THSD4: variants seen among roughly 807,000 people sequenced by gnomAD.
THSD4 encodes the protein thrombospondin type-1 domain-containing protein 4.
THSD4 carries 69 observed loss-of-function variants against 119.0 expected under a neutral mutation model. That is an observed-to-expected ratio of 0.58 (90% CI 0.48 to 0.71). The LOEUF (loss-of-function observed/expected upper bound fraction) is 0.71. Ranked by LOEUF, THSD4 falls within the 30% of genes least tolerant of loss-of-function variation. The pLI is 0.00. For missense variants in THSD4, 1,393 were observed against 1,391.1 expected, an observed-to-expected ratio of 1.00 and a Z score of -0.02; for synonymous variants, 524 against 540.4, an observed-to-expected ratio of 0.97 and a Z score of 0.42.
intron 7 of THSD4, among the ~76,000 whole-genome samples, chr15:71,507,529 C>T (rs1224831791): frequency 6.6e-6 from 1 of 152,172 alleles, no homozygotes. Context: ...GGTATGTTCT[C>T]AGCTGGAGAC....
At chr15:71,247,502 C>G (rs1251085654) in intron 5 of THSD4, among the ~76,000 whole-genome samples, 4 of 152,158 alleles carry the variant, frequency 2.6e-5, no homozygotes, top group African/African-American at 7.2e-5. Flanking sequence ...CCACATAGGT[C>G]CTTTCAAATC....
intron 7 of THSD4, among the ~76,000 whole-genome samples, chr15:71,614,311 T>C (rs2050285383): frequency 6.6e-6 from 1 of 152,218 alleles, no homozygotes; most frequent in African/African-American, 2.4e-5. Context: ...ACACTAGAAG[T>C]TGCCTAATTA....
chr15:71,111,536 G>C (rs2040305154), upstream of THSD4: 2 of 782,720 alleles, frequency 2.6e-6, no homozygotes, highest in South Asian at 1.8e-5. Flanking sequence ...AACTCTCAAA[G>C]TGTTTTGTTT....
At chr15:71,680,273 G>C (rs1030005077) in intron 8 of THSD4, among the ~76,000 whole-genome samples, 2 of 152,176 alleles carry the variant, frequency 1.3e-5, no homozygotes, top group Non-Finnish European at 2.9e-5. Context: ...GAACACCAAG[G>C]TTCTCTAAGC....
intron 6 of THSD4, among the ~76,000 whole-genome samples, chr15:71,340,603 CTTTTT>C (rs780712768): frequency 8.7e-6 from 1 of 115,226 alleles, no homozygotes; most frequent in Non-Finnish European, 1.8e-5. Flanking sequence ...CATCCAGAGA[CTTTTT>C]TTTTTTTTTT....
chr15:71,644,468 C>T (rs1333775568), intron 7 of THSD4, among the ~76,000 whole-genome samples: 1 of 152,224 alleles, frequency 6.6e-6, no homozygotes, highest in East Asian at 1.9e-4. Flanking sequence ...TCTTCACCAG[C>T]AAGAATTTGT....
At chr15:71,732,329 A>T (rs1039053809) in intron 10 of THSD4, 4 of 152,170 alleles carry the variant, frequency 2.6e-5, no homozygotes, top group Non-Finnish European at 5.9e-5. Context: ...TAATGAGTTC[A>T]CACCTAACAA....
Position 71,411,678 on chromosome 15 carries a change from C to T in THSD4, c.1016-9C>T, listed in dbSNP as rs774889679. 1.2e-6 allele frequency: 2 copies of T among 1,612,588 alleles called. No homozygotes were observed. Among genetic ancestry groups the T allele is most frequent in the Non-Finnish European group, 1.7e-6 (2 of 1,179,178 alleles). On this transcript the variant is annotated splice_polypyrimidine_tract_variant and intron_variant, in intron 6 of 17. Transcript: ENST00000261862. ...CTTTATTTTATTTTATTTCATTTTA[C>T]TTTGGTAGTAAAAGGCAATCGCAAA...
At chr15:71,256,551 A>C in intron 5 of THSD4, 62 bp from the exon 6 acceptor site, 1 of 1,319,146 alleles carries the variant, frequency 7.6e-7, no homozygotes, top group Non-Finnish European at 1.1e-6. Context: ...GGGTTTGGAA[A>C]TGTATCCTGG....
chr15:71,442,579 A>AAAAAAAAATAT lies in THSD4; in HGVS notation c.1152+30757_1152+30758insAAAAAAATATA, dbSNP rs1195413080. Among the ~76,000 whole-genome samples, 14 of 39,860 alleles carry AAAAAAAAATAT rather than the reference A, an allele frequency of 3.5e-4. 1 individual carries two copies. Among genetic ancestry groups the AAAAAAAAATAT allele is most frequent in the South Asian group, 1.3e-3 (1 of 774 alleles). 26.1% of individuals were successfully genotyped at this position (39,860 alleles called of 152,430 possible). On this transcript the variant is annotated intron_variant, in intron 7 of 17. Transcript: ENST00000261862. ...GCAAAACTCCATCTCAAAAAAAAAAAATATATATATATATATATATATGTG... is the reference window on the plus strand; with the variant it reads ...GCAAAACTCCATCTCAAAAAAAAAAAAAAAAAAATATATATATATATATATATATATATGTG...
intron 3 of THSD4, among the ~76,000 whole-genome samples, chr15:71,211,981 T>C (rs1412948006): frequency 1.3e-5 from 2 of 152,180 alleles, no homozygotes; most frequent in African/African-American, 2.4e-5. Context: ...AGTTGTCCCA[T>C]CTTGCATCTT....
At chr15:71,367,435 C>T (rs554743626) in intron 6 of THSD4, among the ~76,000 whole-genome samples, 2 of 152,288 alleles carry the variant, frequency 1.3e-5, no homozygotes, top group East Asian at 3.9e-4. Context: ...AATGCTATCC[C>T]TCCCCACCCC....
At chr15:71,310,229 C>G (rs560986700) in intron 6 of THSD4, among the ~76,000 whole-genome samples, 1 of 152,132 alleles carries the variant, frequency 6.6e-6, no homozygotes, top group African/African-American at 2.4e-5. Context: ...TTCTCTTACA[C>G]TGTGGGACTA....
chr15:71,315,444 G>A (rs1050215596), intron 6 of THSD4, among the ~76,000 whole-genome samples: 3 of 152,120 alleles, frequency 2.0e-5, no homozygotes, highest in South Asian at 4.1e-4. Context: ...ATGACACTCC[G>A]TCTTCTCTAC....
chr15:71,337,044 CTTTG>C (rs2045497718), intron 6 of THSD4, among the ~76,000 whole-genome samples: 1 of 152,014 alleles, frequency 6.6e-6, no homozygotes, highest in African/African-American at 2.4e-5. Context: ...CATGCATGTG[CTTTG>C]TTTTGGAGAG....
At chr15:71,768,329 T>A (rs1340916414) in intron 16 of THSD4, among the ~76,000 whole-genome samples, 1 of 151,028 alleles carries the variant, frequency 6.6e-6, no homozygotes, top group Non-Finnish European at 1.5e-5. Context: ...ACTTCCAATG[T>A]TCAGGAGATA....
intron 7 of THSD4, among the ~76,000 whole-genome samples, chr15:71,501,419 A>G (rs2048110954): frequency 6.6e-6 from 1 of 152,202 alleles, no homozygotes; most frequent in African/African-American, 2.4e-5. Flanking sequence ...GTATACCTCA[A>G]GTGGGTTTAT....
chr15:71,681,604 G>C (rs1028119324), intron 8 of THSD4, among the ~76,000 whole-genome samples: 4 of 151,896 alleles, frequency 2.6e-5, no homozygotes, highest in African/African-American at 9.7e-5. Flanking sequence ...GAACCGGGGG[G>C]GTGGAGGTTG....
At chr15:71,649,058 A>T (rs1164214196) in intron 7 of THSD4, among the ~76,000 whole-genome samples, 1 of 152,228 alleles carries the variant, frequency 6.6e-6, no homozygotes, top group Non-Finnish European at 1.5e-5. Flanking sequence ...TATGGAACGT[A>T]GAAAAGAAAT....
Sources: gnomAD v4.1 joint callset for allele counts (sites outside exome capture counted in the v4.1 genomes callset) on GRCh38, gnomAD v4.1.1 for gene constraint, MANE v1.5 for transcripts, NCBI Gene and HGNC (gene_info 2026-07-23, HGNC 2026-07-21) for gene names.